The following CWF19L2 variants were observed in gnomAD, a reference collection of about 807,000 sequenced individuals.
The protein encoded by CWF19L2 is CWF19-like protein 2.
In CWF19L2, 98 loss-of-function variants were observed where a neutral mutation model predicts 111.7. The observed-to-expected ratio is 0.88, with a 90% CI of 0.75 to 1.04. CWF19L2 has a LOEUF of 1.04. Among genes scored for constraint, CWF19L2 ranks in the 50% least tolerant of loss-of-function variants. The pLI, the probability that CWF19L2 is intolerant of heterozygous loss-of-function variation, is 0.00. For missense variants in CWF19L2, 1,101 were observed against 1,051.4 expected (o/e 1.05, Z -0.65); for synonymous variants, 351 against 342.9 (o/e 1.02, Z -0.26).
At chr11:107,386,870 A>G (rs940247859) in intron 12 of CWF19L2, among the ~76,000 whole-genome samples, 1 of 152,072 alleles carries the variant, frequency 6.6e-6, no homozygotes, top group African/African-American at 2.4e-5. Context: ...CCTGGCCAAC[A>G]TGGTGAAACC....
chr11:107,420,426 C>T (rs1450992287), intron 8 of CWF19L2, among the ~76,000 whole-genome samples: 2 of 151,986 alleles, frequency 1.3e-5, no homozygotes, highest in Non-Finnish European at 1.5e-5. Context: ...GGACAAAGAA[C>T]GTCATTTCAT....
chr11:107,347,044 C>T (rs1397308093), intron 14 of CWF19L2, among the ~76,000 whole-genome samples: 1 of 152,100 alleles, frequency 6.6e-6, no homozygotes, highest in Non-Finnish European at 1.5e-5. Context: ...TTTAAATGGG[C>T]TTACAGTGTT....
rs1861844571 is a variant in CWF19L2 at position 107,455,732 on chromosome 11, C to A, written c.150G>T (p.Lys50Asn). 8 of 1,551,094 alleles carry A rather than the reference C, an allele frequency of 5.2e-6. No individual in the cohort carries two copies. The highest frequency in any genetic ancestry group is 7.0e-6 in the Non-Finnish European group (8 of 1,146,740). Residue 50 changes from lysine to asparagine, a missense_variant, in exon 2 of 18, where the codon AAG becomes AAT. Lys to Asn is a moderately conservative substitution (Grantham distance 94). Coordinates refer to ENST00000282251, the MANE Select transcript of CWF19L2 (RefSeq NM_152434.3). ...TCCATGTATCCTCACCCCGAAGTCG[C>A]TTAAGTTCTTTACGCCTTTCTTCTT... ...FEKEERRKEL[K>N]RLRGEDTWML...
At chr11:107,361,101 T>G (rs1026777428) in intron 12 of CWF19L2, among the ~76,000 whole-genome samples, 2 of 152,198 alleles carry the variant, frequency 1.3e-5, no homozygotes, top group African/African-American at 4.8e-5. Flanking sequence ...ATGTAAGTCT[T>G]TAATCCATCT....
intron 6 of CWF19L2, among the ~76,000 whole-genome samples, chr11:107,436,151 C>T (rs11212234): frequency 5.5e-5 from 8 of 145,750 alleles, no homozygotes; most frequent in Admixed American, 1.4e-4. Context: ...AGACTCCACA[C>T]GCCCCCCGAC....
At chr11:107,371,833 A>G (rs1860515120) in intron 12 of CWF19L2, among the ~76,000 whole-genome samples, 1 of 136,780 alleles carries the variant, frequency 7.3e-6, no homozygotes. Context: ...TACCAAAAAA[A>G]GTGGAGAAAG....
At chr11:107,349,286 CAGA>C (rs1234186904) in intron 13 of CWF19L2, among the ~76,000 whole-genome samples, 4 of 152,088 alleles carry the variant, frequency 2.6e-5, no homozygotes, top group Admixed American at 6.6e-5. Flanking sequence ...ATTTAGAGCA[CAGA>C]TCTCAATTTT....
chr11:107,426,664 G>A (rs1861381881), intron 8 of CWF19L2, among the ~76,000 whole-genome samples: 1 of 151,542 alleles, frequency 6.6e-6, no homozygotes, highest in Non-Finnish European at 1.5e-5. Flanking sequence ...GTACATATGG[G>A]CTAAAGTAAA....
intron 10 of CWF19L2, among the ~76,000 whole-genome samples, chr11:107,415,702 T>G (rs1216448387): frequency 6.6e-6 from 1 of 152,104 alleles, no homozygotes; most frequent in Admixed American, 6.5e-5. Context: ...CAGAGCACAC[T>G]GATAGAATGT....
At chr11:107,404,370 T>C (rs1408958905) in intron 10 of CWF19L2, 7 of 789,080 alleles carry the variant, frequency 8.9e-6, no homozygotes, top group African/African-American at 1.7e-5. Context: ...CTGTACCTCA[T>C]GTAGGGCATC....
At position 107,423,511 on chromosome 11, in the gene CWF19L2, T is replaced by G. The variant is rs556056292; in HGVS notation, c.1434-5224A>C. On this transcript the variant is annotated intron_variant, in intron 8 of 17. Transcript: ENST00000282251. ...TTCCTAAGTGAGAAACTTCTTGGCT[T>G]CTTTTCCTTCTGCCATTTGTACCTG... Among the ~76,000 whole-genome samples the G allele has an allele frequency of 2.7e-4, 41 of 152,110 alleles. 1 individual carries two copies. Among genetic ancestry groups the G allele is most frequent in the East Asian group, 1.9e-3 (10 of 5,180 alleles).
At chr11:107,448,795 C>A (rs950160396) in intron 3 of CWF19L2, among the ~76,000 whole-genome samples, 1 of 152,162 alleles carries the variant, frequency 6.6e-6, no homozygotes, top group Non-Finnish European at 1.5e-5. Flanking sequence ...ACAGCCATCT[C>A]TGAGGAACTG....
intron 5 of CWF19L2, 26 bp from the exon 6 acceptor site, chr11:107,439,209 A>C (rs1362177334): frequency 7.5e-7 from 1 of 1,326,720 alleles, no homozygotes; most frequent in African/African-American, 1.5e-5. Flanking sequence ...TTCAGAGGTG[A>C]AATTTCAAAA....
Position 107,368,976 on chromosome 11 carries a change from CTA to C in CWF19L2, c.1873-15242_1873-15241del, listed in dbSNP as rs1318849051. Among the ~76,000 whole-genome samples, 4 of 137,108 alleles carry C rather than the reference CTA, an allele frequency of 2.9e-5. 1 individual carries two copies. Among genetic ancestry groups the C allele is most frequent in the African/African-American group, 8.8e-5 (3 of 34,258 alleles). 89.9% of individuals were successfully genotyped at this position (137,108 alleles called of 152,430 possible). A position where few individuals can be genotyped will look rare whatever the true frequency, so the allele number is the denominator to read the frequency against. On this transcript the variant is annotated intron_variant, in intron 12 of 17. Coordinates refer to ENST00000282251, the MANE Select transcript of CWF19L2 (RefSeq NM_152434.3). ...GAGCATCAGAGACTATGATGATCAACTATATGCTCACAAACTGGAAAACCTAG... is the reference window on the plus strand; with the variant it reads ...GAGCATCAGAGACTATGATGATCAACTATGCTCACAAACTGGAAAACCTAG...
intron 12 of CWF19L2, among the ~76,000 whole-genome samples, chr11:107,378,622 T>TGGAGGGA: frequency 6.6e-6 from 1 of 151,432 alleles, no homozygotes; most frequent in East Asian, 2.0e-4. Flanking sequence ...TGTTGTGGGG[T>TGGAGGGA]GGAGGGAGGA....
chr11:107,399,754 G>A (rs999132257), intron 10 of CWF19L2, among the ~76,000 whole-genome samples: 12 of 152,080 alleles, frequency 7.9e-5, no homozygotes, highest in Admixed American at 2.6e-4. Flanking sequence ...TCCAGCAACT[G>A]CAGCATACAC....
rs554088279 is a variant in CWF19L2, at chr11:107,410,357, T to C, written c.1617+5852A>G. On this transcript the variant is annotated intron_variant, in intron 10 of 17. Transcript: ENST00000282251. ...AAATTACTTTAGTTGCAGTAGAGAA[T>C]TCTTTCAGAATTTTTGGCAAAGATT... Among the ~76,000 whole-genome samples the C allele has an allele frequency of 7.6e-4, 116 of 152,292 alleles. 2 individuals are homozygous for C. The South Asian group carries it at 0.024, about 32-fold the overall frequency.
chr11:107,408,300 G>GA (rs1861109563), intron 10 of CWF19L2, among the ~76,000 whole-genome samples: 1 of 151,924 alleles, frequency 6.6e-6, no homozygotes, highest in African/African-American at 2.4e-5. Context: ...GTAACTACAT[G>GA]AAAAATACTC....
chr11:107,332,548 GAA>G (rs995470986), intron 16 of CWF19L2, among the ~76,000 whole-genome samples: 1 of 140,670 alleles, frequency 7.1e-6, no homozygotes. Context: ...TTTACACAGT[GAA>G]AAAAAAAAAC....
Sources: gnomAD v4.1 joint callset for allele counts (sites outside exome capture counted in the v4.1 genomes callset) on GRCh38, gnomAD v4.1.1 for gene constraint, MANE v1.5 for transcripts, NCBI Gene and HGNC (gene_info 2026-07-23, HGNC 2026-07-21) for gene names.